Variants in TTN observed in about 807,000 individuals in gnomAD.
TTN encodes the protein connectin.
TTN carries 1,525 observed loss-of-function variants against 3,223.0 expected under a neutral mutation model. The observed-to-expected ratio is 0.47, with a 90% CI of 0.45 to 0.49. TTN has a LOEUF of 0.49. Among genes scored for constraint, TTN ranks in the 20% least tolerant of loss-of-function variants. The pLI, the probability that TTN is intolerant of heterozygous loss-of-function variation, is 0.00. For synonymous variants in TTN, 14,094 were observed against 15,161.0 expected, an observed-to-expected ratio of 0.93 and a Z score of 5.17; for missense variants, 40,786 against 43,424.0, an observed-to-expected ratio of 0.94 and a Z score of 5.40.
chr2:178,539,305 T>G, intron 352 of TTN, 54 bp from the exon 353 acceptor site: 1 of 1,597,824 alleles, frequency 6.3e-7, no homozygotes, highest in South Asian at 1.1e-5. Context: ...CCAAGTATTA[T>G]AAGCCAATGA....
Position 178,590,992 on chromosome 2 carries a change from G to A in TTN, c.60733C>T (p.Arg20245Ter), listed in dbSNP as rs1057522256. 3 of 1,613,428 alleles carry A rather than the reference G, an allele frequency of 1.9e-6. No individual in the cohort carries two copies. Among genetic ancestry groups the A allele is most frequent in the Admixed American group, 3.3e-5 (2 of 59,996 alleles). The change falls in exon 304 of 363, where the codon CGA (arginine) becomes TGA (stop). Residue 20245 changes from arginine (R) to a stop codon, truncating the protein, a stop_gained. Coordinates refer to ENST00000589042, the MANE Select transcript of TTN (RefSeq NM_001267550.2). LOFTEE classifies it high-confidence loss of function. ...CCTATCTTATTCTCTGCTCTAACTC[G>A]GAAAACATATTCACAGCCCTTCTGC... ...HLQKGCEYVF[R>*]VRAENKIGVG... is the part of the protein sequence containing the mutation.
rs374393469 is a variant in TTN at position 178,642,251 on chromosome 2, A to G, written c.40544T>C (p.Val13515Ala). The G allele has an allele frequency of 1.3e-6, 2 of 1,591,042 alleles. No individual in the cohort carries two copies. The highest frequency in any genetic ancestry group is 1.3e-5 in the African/African-American group (1 of 74,614). The change falls in exon 219 of 363, where the codon GTT becomes GCT. Residue 13515 changes from valine (V) to alanine (A), a missense_variant. Val to Ala is a moderately conservative substitution (Grantham distance 64, BLOSUM62 0). Coordinates refer to ENST00000589042, the MANE Select transcript of TTN (RefSeq NM_001267550.2). ...PERKPEPKEE[V>A]VLKSVLRKRP... ...AAATACTATACCGCTTTTCAGAACAACTTCTTCCTTTGGTTCAGGTTTACG... is the reference window on the plus strand; with the variant it reads ...AAATACTATACCGCTTTTCAGAACAGCTTCTTCCTTTGGTTCAGGTTTACG...
Position 178,773,229 on chromosome 2 carries a change from T to C in TTN, c.7735A>G (p.Lys2579Glu). ...TATATTTTTCCATGTGCTTCAATTTTATATTTAGAACTGGGCTTGATTTCC... is the reference window on the plus strand; with the variant it reads ...TATATTTTTCCATGTGCTTCAATTTCATATTTAGAACTGGGCTTGATTTCC... ...DKEIKPSSKY[K>E]IEAHGKIYKL... is the part of the protein sequence containing the mutation. The change falls in exon 33 of 363, where the codon AAA becomes GAA. Residue 2579 changes from lysine to glutamate, a missense_variant. Transcript: ENST00000589042. 3 of 1,613,892 alleles carry C rather than the reference T, an allele frequency of 1.9e-6. No individual in the cohort carries two copies. Among genetic ancestry groups the C allele is most frequent in the South Asian group, 1.1e-5 (1 of 91,056 alleles).
chr2:178,620,416 C>T lies in TTN; in HGVS notation c.46105G>A (p.Gly15369Ser), dbSNP rs754258909. Residue 15369 changes from glycine (G) to serine (S), a missense_variant, in exon 248 of 363, where the codon GGT (glycine) becomes AGT (serine). Physicochemically the swap from Gly to Ser is moderately conservative, Grantham distance 56. Transcript: ENST00000589042. ...TGTCCAGCAGTGACAATGTATTCAC[C>T]TTCATCTGGGAAGCCACAGTCTTTA... The part of the protein sequence containing the change: ...TIKDCGFPDE[G>S]EYIVTAGQDK... The T allele has an allele frequency of 1.9e-6, 3 of 1,612,172 alleles. No individual in the cohort carries two copies. In the East Asian group the frequency reaches 6.7e-5, roughly 36 times the overall value.
Position 178,608,823 on chromosome 2 carries a change from A to G in TTN, c.52188T>C (p.Asp17396=), listed in dbSNP as rs757796723. 8.1e-6 allele frequency: 13 copies of G among 1,612,440 alleles called. No individual in the cohort carries two copies. The African/African-American group carries it at 1.6e-4, about 20-fold the overall frequency. Reference sequence around the variant, plus strand: ...TGTAGTTTATGATTTCACTGCCACCATCATCAAGGGGTGGTTCCCATTTAC... The same window carrying G: ...TGTAGTTTATGATTTCACTGCCACCGTCATCAAGGGGTGGTTCCCATTTAC... The part of the protein sequence containing the change: ...VLCKWEPPLD[D]GGSEIINYTL... Residue 17396 remains aspartate, a synonymous_variant, in exon 274 of 363, where the codon GAT becomes GAC. Coordinates refer to ENST00000589042, the MANE Select transcript of TTN (RefSeq NM_001267550.2).
rs759693046 is a variant in TTN at position 178,574,424 on chromosome 2, G to C, written c.71708C>G (p.Ala23903Gly). The change falls in exon 326 of 363, where the codon GCA (alanine) becomes GGA (glycine). Residue 23903 changes from alanine to glycine, a missense_variant. Physicochemically the swap from Ala to Gly is moderately conservative, Grantham distance 60. Transcript: ENST00000589042. ...CTTACTTTTGCCTGCCATGTTTTCTGCAATCACCCGGAACTCATAAGCAAT... is the reference window on the plus strand; with the variant it reads ...CTTACTTTTGCCTGCCATGTTTTCTCCAATCACCCGGAACTCATAAGCAAT... ...DGIAYEFRVI[A>G]ENMAGKSKPS... 2 of 1,613,486 alleles carry C rather than the reference G, an allele frequency of 1.2e-6. No homozygotes were observed. Among genetic ancestry groups the C allele is most frequent in the South Asian group, 1.1e-5 (1 of 91,050 alleles).
chr2:178,541,207 T>C, intron 350 of TTN, 75 bp downstream of exon 350: 6 of 1,361,422 alleles, frequency 4.4e-6, no homozygotes, highest in Non-Finnish European at 4.9e-6. Flanking sequence ...CATAGAACTA[T>C]ATATTTCAAA....
rs998121781 is a variant in TTN at position 178,715,191 on chromosome 2, C to T, written c.25995G>A (p.Glu8665=). 6.2e-7 allele frequency: 1 copy of T among 1,613,560 alleles called. No homozygotes were observed. The highest frequency in any genetic ancestry group is 1.3e-5 in the African/African-American group (1 of 74,896). Residue 8665 remains glutamate (E), a synonymous_variant, in exon 90 of 363, where the codon GAG becomes GAA. Coordinates refer to ENST00000589042, the MANE Select transcript of TTN (RefSeq NM_001267550.2). ...LKGADVHLEC[E]LQGTPPFHVS... ...CGTGAAATGGGGGAGTGCCCTGAAG[C>T]TCACATTCAAGGTGAACATCAGCTC...
At position 178,537,254 on chromosome 2, in the gene TTN, A is replaced by C. The variant is rs762769752; in HGVS notation, c.99866-11T>G. On this transcript the variant is annotated splice_polypyrimidine_tract_variant and intron_variant, in intron 355 of 362. Transcript: ENST00000589042. ...GTTTGTCTGGTTTATCTGTTGGGGG[A>C]AAATACAATTGTGGTGGTTTTCATA... 1 of 1,573,052 alleles carries C rather than the reference A, an allele frequency of 6.4e-7. No homozygotes were observed. Among genetic ancestry groups the C allele is most frequent in the African/African-American group, 1.4e-5 (1 of 73,472 alleles).
chr2:178,727,538 C>T (rs573043290), intron 68 of TTN, 47 bp downstream of exon 68: 2 of 1,524,112 alleles, frequency 1.3e-6, no homozygotes, highest in African/African-American at 1.4e-5. Flanking sequence ...ATACAGAGAA[C>T]CAAAGACACA....
In TTN at chr2:178,717,976, C is replaced by T. The variant is rs2077751372; in HGVS notation, c.25030G>A (p.Ala8344Thr). The T allele has an allele frequency of 1.2e-6, 2 of 1,613,442 alleles. No individual in the cohort carries two copies. The highest frequency in any genetic ancestry group is 1.7e-6 in the Non-Finnish European group (2 of 1,179,460). Residue 8344 changes from alanine (A) to threonine (T), a missense_variant, in exon 86 of 363, where the codon GCA becomes ACA. Coordinates refer to ENST00000589042, the MANE Select transcript of TTN (RefSeq NM_001267550.2). ...YSCKADNSVG[A>T]VASSAVLVIK... is the part of the protein sequence containing the mutation. ...ACAAGCACAGCTGAAGAAGCGACTG[C>T]CCCCACACTGTTGTCTGCCTTGCAT...
At chr2:178,758,772 C>T (rs1280171080) in intron 44 of TTN, 20 of 590,862 alleles carry the variant, frequency 3.4e-5, no homozygotes, top group East Asian at 8.8e-5. Flanking sequence ...AGAGAAAAAG[C>T]GGGGCCAAAT....
Position 178,663,615 on chromosome 2 carries a change from A to C in TTN, c.36532+12T>G, listed in dbSNP as rs746866229. The C allele has an allele frequency of 6.2e-7, 1 of 1,613,742 alleles. No homozygotes were observed. Among genetic ancestry groups the C allele is most frequent in the Non-Finnish European group, 8.5e-7 (1 of 1,179,754 alleles). ...GATACATCATCTGAAGCCTAAAATC[A>C]GTGACAAATACCTTTAACAGGTGGG... On this transcript the variant is annotated intron_variant, in intron 171 of 362. Transcript: ENST00000589042.
rs1559166976 is a variant in TTN, at chr2:178,548,201, C to T, written c.93425G>A (p.Gly31142Asp). The T allele has an allele frequency of 1.2e-6, 2 of 1,613,746 alleles. No homozygotes were observed. Among genetic ancestry groups the T allele is most frequent in the Non-Finnish European group, 1.7e-6 (2 of 1,179,816 alleles). Residue 31142 changes from glycine (G) to aspartate (D), a missense_variant, in exon 339 of 363, where the codon GGC (glycine) becomes GAC (aspartate). Gly to Asp is a moderately conservative substitution (Grantham distance 94). Transcript: ENST00000589042. This position sits in a 1 kb window ranked among gnomAD's most constrained non-coding sequence, Gnocchi z 4.3. ...AAGCAGGTAGCCAGTGATCCGGCTG[C>T]CTCCATCGTGGTCAGGTTTAAGCCA... ...LAWLKPDHDG[G>D]SRITGYLLEM...
At chr2:178,799,420 A>C (rs1248176674) in intron 6 of TTN, 67 bp downstream of exon 6, 5 of 1,610,936 alleles carry the variant, frequency 3.1e-6, no homozygotes, top group Non-Finnish European at 4.2e-6. Context: ...GGGACAAGGG[A>C]ATCTTTCTCG....
chr2:178,712,945 G>A lies in TTN; in HGVS notation c.27080C>T (p.Pro9027Leu), dbSNP rs1356270449. 8.7e-6 allele frequency: 14 copies of A among 1,612,834 alleles called. No individual in the cohort carries two copies. The highest frequency in any genetic ancestry group is 1.2e-5 in the Non-Finnish European group (14 of 1,179,322). ...ATTGGTCCCAGTTAAAACATCCATG[G>A]GATCAGGTTTCTGAACAAAAGATGG... Reference protein sequence around the residue: ...EPPSFVQKPDPMDVLTGTNVT... With the variant: ...EPPSFVQKPDLMDVLTGTNVT... The change falls in exon 94 of 363, where the codon CCC (proline) becomes CTC (leucine). Residue 9027 changes from proline to leucine, a missense_variant. Coordinates refer to ENST00000589042, the MANE Select transcript of TTN (RefSeq NM_001267550.2).
intron 218 of TTN, among the ~76,000 whole-genome samples, chr2:178,643,914 T>C (rs977288072): frequency 4.6e-5 from 7 of 152,006 alleles, no homozygotes; most frequent in Non-Finnish European, 7.4e-5. Context: ...TTTTCTAGAC[T>C]CTTATAATTC....
Position 178,593,558 on chromosome 2 carries a change from T to A in TTN, c.58732+10A>T. Reference sequence around the variant, plus strand: ...AGCATTGAATCACTAAAAAGAAACATAATGCATACTGAAACGATCTTTGGC... The same window carrying A: ...AGCATTGAATCACTAAAAAGAAACAAAATGCATACTGAAACGATCTTTGGC... On this transcript the variant is annotated intron_variant, in intron 298 of 362. Coordinates refer to ENST00000589042, the MANE Select transcript of TTN (RefSeq NM_001267550.2). The A allele has an allele frequency of 5.0e-6, 8 of 1,608,968 alleles. No individual in the cohort carries two copies. Among genetic ancestry groups the A allele is most frequent in the Non-Finnish European group, 6.8e-6 (8 of 1,178,516 alleles).
rs757119133 is a variant in TTN, at chr2:178,738,301, T to C, written c.14152A>G (p.Lys4718Glu). 5.1e-5 allele frequency: 83 copies of C among 1,613,466 alleles called. No individual in the cohort carries two copies. Among genetic ancestry groups the C allele is most frequent in the Non-Finnish European group, 7.0e-5 (82 of 1,179,714 alleles). ...GCACTTTGGATCTCACAGGTGAATT[T>C]GGCTAGGTGGCCCAGTGCTACTTCC... Reference protein sequence around the residue: ...PLEVALGHLAKFTCEIQSAPN... With the variant: ...PLEVALGHLAEFTCEIQSAPN... The change falls in exon 49 of 363, where the codon AAA (lysine) becomes GAA (glutamate). Residue 4718 changes from lysine to glutamate, a missense_variant. Lys to Glu is a moderately conservative substitution (Grantham distance 56, BLOSUM62 1). Coordinates refer to ENST00000589042, the MANE Select transcript of TTN (RefSeq NM_001267550.2).
Sources: allele counts gnomAD v4.1 joint callset (sites outside exome capture counted in the v4.1 genomes callset), GRCh38; gene constraint gnomAD v4.1.1; non-coding constraint Gnocchi (gnomAD v3.1); transcripts MANE v1.5; gene names NCBI Gene and HGNC (gene_info 2026-07-23, HGNC 2026-07-21).